MARCHF1: variants seen among roughly 807,000 people sequenced by gnomAD.
The protein encoded by MARCHF1 is E3 ubiquitin-protein ligase MARCHF1.
A neutral mutation model predicts 54.2 loss-of-function variants in MARCHF1; 40 were observed. The ratio of observed to expected loss-of-function variants is 0.74; its 90% CI spans 0.57 to 0.96. MARCHF1 has a LOEUF of 0.96. Ranked by LOEUF, MARCHF1 falls within the 40% of genes least tolerant of loss-of-function variation. The probability of loss-of-function intolerance (pLI) is 0.00; values close to 1 mark genes in which losing one functional copy is unlikely to be tolerated. For synonymous variants in MARCHF1, 236 were observed against 236.3 expected (o/e 1.00, Z 0.01); for missense variants, 586 against 656.5 (o/e 0.89, Z 1.17).
intron 1 of MARCHF1, among the ~76,000 whole-genome samples, chr4:164,167,762 CA>C (rs908768379): frequency 1.4e-4 from 21 of 151,872 alleles, no homozygotes; most frequent in African/African-American, 4.8e-4. Context: ...TTATACCACA[CA>C]AAAATCAATG....
chr4:164,350,785 C>T (rs78840607), intron 1 of MARCHF1, among the ~76,000 whole-genome samples: 2,766 of 152,232 alleles, frequency 0.018, 79 homozygotes, highest in East Asian at 0.13. Context: ...AGGAACAGCT[C>T]CGGTCTACAG....
chr4:163,917,341 CT>C (rs1460984427), intron 3 of MARCHF1, among the ~76,000 whole-genome samples: 1 of 152,110 alleles, frequency 6.6e-6, no homozygotes, highest in Non-Finnish European at 1.5e-5. Context: ...CAACACAGTA[CT>C]ATTTTGTCTT....
At chr4:163,544,610 C>T (rs1389916867) in intron 9 of MARCHF1, among the ~76,000 whole-genome samples, 1 of 152,178 alleles carries the variant, frequency 6.6e-6, no homozygotes, top group Non-Finnish European at 1.5e-5. Context: ...AGAATGGAGC[C>T]TCCCCTTCTG....
rs531629322 is a variant in MARCHF1 at position 163,813,882 on chromosome 4, C to A, written c.111+40139G>T. Among the ~76,000 whole-genome samples the A allele has an allele frequency of 5.9e-5, 9 of 152,204 alleles. No individual in the cohort carries two copies. In the South Asian group the frequency reaches 1.9e-3, roughly 32 times the overall value. The stretch of plus-strand genomic sequence containing the variant: ...CATGTCTGGGGTCCAGGGTCTAAAA[C>A]CCCTCATGGCCTTTGGAACACCAAG... On this transcript the variant is annotated intron_variant, in intron 4 of 9. Transcript: ENST00000514618.
intron 1 of MARCHF1, among the ~76,000 whole-genome samples, chr4:164,115,655 A>ATTCAAAT (rs149227413): frequency 0.16 from 25,023 of 151,890 alleles, 2,468 homozygotes; most frequent in East Asian, 0.49. Flanking sequence ...GCTAAATGTT[A>ATTCAAAT]TTCAAATTAT....
intron 1 of MARCHF1, among the ~76,000 whole-genome samples, chr4:164,244,178 C>T (rs1417671658): frequency 1.3e-5 from 2 of 151,842 alleles, no homozygotes; most frequent in African/African-American, 2.4e-5. Context: ...CACACCACAC[C>T]TATTCCAAAA....
intron 2 of MARCHF1, among the ~76,000 whole-genome samples, chr4:164,056,255 G>C (rs1490220922): frequency 6.6e-6 from 1 of 152,174 alleles, no homozygotes. Context: ...GTCGCTATGA[G>C]AACAGAAAGT....
chr4:164,003,676 A>G lies in MARCHF1; in HGVS notation c.-247-14967T>C, dbSNP rs1753228870. ...GCTGTGGAGAAATAGGAACACTTTT[A>G]CACTGCTAGTAGGAATGTAAATTAG... is the stretch of plus-strand genomic sequence containing the variant. On this transcript the variant is annotated intron_variant, in intron 2 of 9. Transcript: ENST00000514618. 2.0e-5 allele frequency among the ~76,000 whole-genome samples: 3 copies of G among 152,154 alleles called. No homozygotes were observed. In the South Asian group the frequency reaches 6.2e-4, roughly 32 times the overall value.
At chr4:164,232,872 T>A (rs78163357) in intron 1 of MARCHF1, among the ~76,000 whole-genome samples, 3,155 of 152,264 alleles carry the variant, frequency 0.021, 95 homozygotes, top group East Asian at 0.12. Context: ...CAGAAACCTA[T>A]AGACACGTGC....
chr4:164,189,530 A>G (rs1731067467), intron 1 of MARCHF1: 26 of 821,600 alleles, frequency 3.2e-5, no homozygotes, highest in South Asian at 2.9e-4. Context: ...GAGTCCTCCC[A>G]TGGCATAAAC....
In MARCHF1 at chr4:164,259,346, C is replaced by A. The variant is rs1733384877; in HGVS notation, c.-323+124524G>T. Among the ~76,000 whole-genome samples, 3 of 151,566 alleles carry A rather than the reference C, an allele frequency of 2.0e-5. No individual in the cohort carries two copies. The South Asian group carries it at 6.2e-4, about 32-fold the overall frequency. On this transcript the variant is annotated intron_variant, in intron 1 of 9. Transcript: ENST00000514618. ...TCATTTAAGGTCGGGAGTTCAAGAC[C>A]AGCCTGGCCAACATGGTGAAACCCC...
At chr4:163,807,530 C>T (rs1748260272) in intron 4 of MARCHF1, among the ~76,000 whole-genome samples, 1 of 151,844 alleles carries the variant, frequency 6.6e-6, no homozygotes, top group Non-Finnish European at 1.5e-5. Flanking sequence ...GTAAAAGTGA[C>T]AAAGTAGAGG....
chr4:164,308,756 G>T (rs1414467346), intron 1 of MARCHF1, among the ~76,000 whole-genome samples: 1 of 151,966 alleles, frequency 6.6e-6, no homozygotes, highest in East Asian at 1.9e-4. Context: ...TAAATGATGA[G>T]AATTCATGGA....
chr4:164,145,406 T>G (rs1161881002), intron 1 of MARCHF1, among the ~76,000 whole-genome samples: 1 of 151,890 alleles, frequency 6.6e-6, no homozygotes, highest in African/African-American at 2.4e-5. Context: ...TGATGAACAT[T>G]GATGCAAAAA....
chr4:163,988,254 G>C (rs1752907286), intron 3 of MARCHF1, among the ~76,000 whole-genome samples: 1 of 152,180 alleles, frequency 6.6e-6, no homozygotes, highest in Non-Finnish European at 1.5e-5. Flanking sequence ...TAGAAAAAGA[G>C]GCAAAAGTTT....
intron 1 of MARCHF1, among the ~76,000 whole-genome samples, chr4:164,191,641 T>C (rs1731126671): frequency 6.6e-6 from 1 of 152,164 alleles, no homozygotes; most frequent in Non-Finnish European, 1.5e-5. Flanking sequence ...AATTTTGCAC[T>C]TGTTCTGAAA....
chr4:163,555,787 C>A, intron 8 of MARCHF1: 1 of 344,774 alleles, frequency 2.9e-6, no homozygotes, highest in Non-Finnish European at 6.1e-6. Flanking sequence ...TCTTGGATGA[C>A]ACTGCCATTG....
At chr4:164,250,833 A>G (rs371655356) in intron 1 of MARCHF1, among the ~76,000 whole-genome samples, 5 of 152,182 alleles carry the variant, frequency 3.3e-5, no homozygotes, top group East Asian at 1.9e-4. Flanking sequence ...GAAGAGGAAG[A>G]CTCCATCAAA....
intron 4 of MARCHF1, among the ~76,000 whole-genome samples, chr4:163,846,134 A>AACTGAT (rs1156811269): frequency 6.6e-6 from 1 of 152,232 alleles, no homozygotes; most frequent in East Asian, 1.9e-4. Flanking sequence ...TGGAAACAAT[A>AACTGAT]ACTGATACAT....
Sources: gnomAD v4.1 joint callset for allele counts (sites outside exome capture counted in the v4.1 genomes callset) on GRCh38, gnomAD v4.1.1 for gene constraint, MANE v1.5 for transcripts, NCBI Gene and HGNC (gene_info 2026-07-23, HGNC 2026-07-21) for gene names.